The following MRPL44 variants were observed in gnomAD, a reference collection of about 807,000 sequenced individuals.
MRPL44 encodes the protein large ribosomal subunit protein mL44.
Under a neutral mutation model 25.9 loss-of-function variants are expected in MRPL44, and 21 were observed. The observed-to-expected ratio is 0.81, with a 90% CI of 0.58 to 1.17. The LOEUF (loss-of-function observed/expected upper bound fraction) is 1.17, where lower values mean the gene tolerates loss of function less well. Among genes scored for constraint, MRPL44 ranks in the 50% most tolerant of loss-of-function variants. The pLI is 0.00. For missense variants in MRPL44, 410 were observed against 398.9 expected, an observed-to-expected ratio of 1.03 and a Z score of -0.24; for synonymous variants, 169 against 151.0, an observed-to-expected ratio of 1.12 and a Z score of -0.87.
At chr2:223,952,677 A>C (rs1449983594), upstream of MRPL44, among the ~76,000 whole-genome samples, 1 of 152,180 alleles carries the variant, frequency 6.6e-6, no homozygotes, top group East Asian at 1.9e-4. Flanking sequence ...ATGTAACCTA[A>C]CTTGATGTGT....
upstream of MRPL44, chr2:223,957,435 C>G (rs372694091): frequency 1.9e-6 from 3 of 1,612,848 alleles, no homozygotes; most frequent in African/African-American, 4.0e-5. Context: ...ACTGGCCCGA[C>G]TACTTTCGTT....
intron 1 of MRPL44, 98 bp from the exon 2 acceptor site, chr2:223,959,436 C>T (rs1689620986): frequency 1.1e-6 from 1 of 936,090 alleles, no homozygotes; most frequent in Non-Finnish European, 1.6e-6. Flanking sequence ...CTTTCATTTC[C>T]TTTATATAAT....
Position 223,967,568 on chromosome 2 carries a change from T to C in MRPL44, c.*534T>C, listed in dbSNP as rs567011103. 2 of 152,292 alleles carry C rather than the reference T, an allele frequency of 1.3e-5. No individual in the cohort carries two copies. The highest frequency in any genetic ancestry group is 2.1e-4 in the South Asian group (1 of 4,828). 9.4% of individuals were successfully genotyped at this position (152,292 alleles called of 1,614,324 possible). On this transcript the variant is annotated 3_prime_UTR_variant, in exon 4 of 4. Transcript: ENST00000258383. Reference sequence around the variant, plus strand: ...TTTTTTTGACATTTTTGCAAAAAAATTTTCCTAATGTTCTTGATTTAATTG... The same window carrying C: ...TTTTTTTGACATTTTTGCAAAAAAACTTTCCTAATGTTCTTGATTTAATTG...
chr2:223,952,337 G>C, the MRPL44 span, among the ~76,000 whole-genome samples: 1 of 152,162 alleles, frequency 6.6e-6, no homozygotes, highest in Non-Finnish European at 1.5e-5. Context: ...CCCTCAACAG[G>C]CAGTCTCTGT....
chr2:223,962,946 C>A, intron 2 of MRPL44, among the ~76,000 whole-genome samples: 1 of 152,158 alleles, frequency 6.6e-6, no homozygotes, highest in East Asian at 1.9e-4. Context: ...AAGTGATCTG[C>A]CTGCCTTGGC....
rs866201048 is a variant in MRPL44, at chr2:223,960,927, C to A, written c.648+925C>A. 3.3e-5 allele frequency among the ~76,000 whole-genome samples: 5 copies of A among 152,272 alleles called. No individual in the cohort carries two copies. In the South Asian group the frequency reaches 1.0e-3, roughly 32 times the overall value. On this transcript the variant is annotated intron_variant, in intron 2 of 3. Coordinates refer to ENST00000258383, the MANE Select transcript of MRPL44 (RefSeq NM_022915.5). ...TGGAAATATTTACCATATTGTAATG[C>A]GTCTTAACAGTTCCAAGTAAAGATC...
upstream of MRPL44, among the ~76,000 whole-genome samples, chr2:223,957,251 G>T (rs1000730297): frequency 7.2e-5 from 11 of 152,138 alleles, no homozygotes; most frequent in Non-Finnish European, 1.6e-4. Flanking sequence ...AAAGTAACTC[G>T]AAGAGAGGAG....
chr2:223,964,010 C>A, intron 3 of MRPL44, 76 bp downstream of exon 3: 1 of 1,155,120 alleles, frequency 8.7e-7, no homozygotes, highest in Non-Finnish European at 1.3e-6. Flanking sequence ...GCCTTAAAAA[C>A]ACTCTTCACA....
At chr2:223,963,167 G>A (rs1689688917) in intron 2 of MRPL44, among the ~76,000 whole-genome samples, 2 of 151,980 alleles carry the variant, frequency 1.3e-5, no homozygotes, top group Non-Finnish European at 2.9e-5. Context: ...GATAGGGCAG[G>A]GTACGGTGAC....
intron 1 of MRPL44, 131 bp from the exon 2 acceptor site, chr2:223,959,403 G>A: frequency 1.4e-6 from 1 of 693,976 alleles, no homozygotes; most frequent in Non-Finnish European, 2.4e-6. Context: ...TATCAACCTG[G>A]CATTAAAAAG....
the MRPL44 span, among the ~76,000 whole-genome samples, chr2:223,951,688 A>G: frequency 2.0e-5 from 3 of 152,164 alleles, no homozygotes; most frequent in African/African-American, 7.2e-5. Flanking sequence ...CATGTTGGCC[A>G]GGCTGGTCTC....
In MRPL44 at chr2:223,959,517, T is replaced by C. The variant is rs1689622439; in HGVS notation, c.180-17T>C. 1 of 1,578,420 alleles carries C rather than the reference T, an allele frequency of 6.3e-7. No homozygotes were observed. Among genetic ancestry groups the C allele is most frequent in the Non-Finnish European group, 8.6e-7 (1 of 1,161,142 alleles). On this transcript the variant is annotated splice_polypyrimidine_tract_variant and intron_variant, in intron 1 of 3. Transcript: ENST00000258383. The stretch of plus-strand genomic sequence containing the variant: ...GGTTGTTCTCTTTACCATCTCTTAC[T>C]GTCTTTACATTTTCAGTTCAGAGAA...
upstream of MRPL44, among the ~76,000 whole-genome samples, chr2:223,956,819 TAA>T (rs1381603320): frequency 2.0e-5 from 3 of 151,788 alleles, no homozygotes; most frequent in African/African-American, 7.2e-5. Context: ...ATTACATTGT[TAA>T]AGAGTGTTAA....
chr2:223,959,809 G>A lies in MRPL44; in HGVS notation c.455G>A (p.Gly152Asp). The A allele has an allele frequency of 1.9e-6, 3 of 1,614,168 alleles. No individual in the cohort carries two copies. The highest frequency in any genetic ancestry group is 2.5e-6 in the Non-Finnish European group (3 of 1,180,028). Reference sequence around the variant, plus strand: ...GAGTACCCAGACATGCCCACTGAAGGCATAAAAAATCTTGTTGACTTTCTC... The same window carrying A: ...GAGTACCCAGACATGCCCACTGAAGACATAAAAAATCTTGTTGACTTTCTC... ...EDEYPDMPTE[G>D]IKNLVDFLTG... Residue 152 changes from glycine to aspartate, a missense_variant, in exon 2 of 4, where the codon GGC becomes GAC. Transcript: ENST00000258383.
chr2:223,956,607 A>G (rs1689567403), upstream of MRPL44, among the ~76,000 whole-genome samples: 1 of 152,254 alleles, frequency 6.6e-6, no homozygotes, highest in Admixed American at 6.5e-5. Context: ...AAAAACAATC[A>G]AAGACATAGG....
chr2:223,966,862 G>T lies in MRPL44; in HGVS notation c.828-1G>T, dbSNP rs1375881464. On this transcript the variant is annotated splice_acceptor_variant, in intron 3 of 3. Coordinates refer to ENST00000258383, the MANE Select transcript of MRPL44 (RefSeq NM_022915.5). LOFTEE classifies it high-confidence loss of function. ...AAGACTACTGTTTGTTCTCTTTCTA[G>T]TGATAAAAAGTTGATTGCAGAAGGA... 1 of 1,611,266 alleles carries T rather than the reference G, an allele frequency of 6.2e-7. No individual in the cohort carries two copies. Among genetic ancestry groups the T allele is most frequent in the South Asian group, 1.1e-5 (1 of 90,634 alleles).
At position 223,967,070 on chromosome 2, in the gene MRPL44, A is replaced by T. The variant is rs1391136921; in HGVS notation, c.*36A>T. ...TGCAGCAGCCTGAAACTTGAGAGCG[A>T]AAGTGAGATAAATGTCAAAGGTGTT... is the stretch of plus-strand genomic sequence containing the variant. On this transcript the variant is annotated 3_prime_UTR_variant, in exon 4 of 4. Transcript: ENST00000258383. The T allele has an allele frequency of 8.4e-6, 13 of 1,546,046 alleles. No individual in the cohort carries two copies. Among genetic ancestry groups the T allele is most frequent in the African/African-American group, 1.4e-5 (1 of 72,738 alleles).
upstream of MRPL44, among the ~76,000 whole-genome samples, chr2:223,956,650 T>C (rs776872983): frequency 3.4e-4 from 52 of 152,354 alleles, no homozygotes; most frequent in Middle Eastern, 0.014. Flanking sequence ...GGGACACAGA[T>C]GCCTTTAACA....
intron 2 of MRPL44, among the ~76,000 whole-genome samples, chr2:223,962,427 C>T (rs1193397370): frequency 6.6e-6 from 1 of 151,406 alleles, no homozygotes; most frequent in Middle Eastern, 3.2e-3. Context: ...TTTTAAATTT[C>T]TTCCCTCTGC....
Sources: gnomAD v4.1 joint callset for allele counts (sites outside exome capture counted in the v4.1 genomes callset) on GRCh38, gnomAD v4.1.1 for gene constraint, MANE v1.5 for transcripts, NCBI Gene and HGNC (gene_info 2026-07-23, HGNC 2026-07-21) for gene names.